Variants in GPM6B observed in about 807,000 individuals in gnomAD.
GPM6B encodes neuronal membrane glycoprotein M6-b.
In GPM6B, 4 loss-of-function variants were observed where a neutral mutation model predicts 27.2. That is an observed-to-expected ratio of 0.15 (90% confidence interval 0.07 to 0.34). The LOEUF (loss-of-function observed/expected upper bound fraction) is 0.34. GPM6B is among the 10% of genes least tolerant of loss of function. The pLI, the probability that GPM6B is intolerant of heterozygous loss-of-function variation, is 1.00. For synonymous variants in GPM6B, 124 were observed against 103.1 expected (o/e 1.20, Z -1.23); for missense variants, 183 against 261.9 (o/e 0.70, Z 2.08).
intron 2 of GPM6B, among the ~76,000 whole-genome samples, chrX:13,788,124 C>A (rs1443026439): frequency 3.6e-5 from 4 of 112,229 alleles, no homozygotes; most frequent in African/African-American, 1.3e-4. Context: ...TCACAGAACA[C>A]ACTGCTTTGG....
chrX:13,776,281 A>C lies in GPM6B; in HGVS notation c.794T>G (p.Phe265Cys), dbSNP rs754039053. Reference protein sequence around the residue: ...TNEFYMSYHLFIVACAGAGAT... With the variant: ...TNEFYMSYHLCIVACAGAGAT... ...ACCAGCTCCTGCACAGGCCACAATGAACAGGTGATAGGACATGTAGAACTA... is the reference window on the plus strand; with the variant it reads ...ACCAGCTCCTGCACAGGCCACAATGCACAGGTGATAGGACATGTAGAACTA... Residue 265 changes from phenylalanine to cysteine, a missense_variant, in exon 7 of 8, where the codon TTC (phenylalanine) becomes TGC (cysteine). Coordinates refer to ENST00000316715, the MANE Select transcript of GPM6B (RefSeq NM_001001995.3). The C allele has an allele frequency of 8.3e-7, 1 of 1,209,073 alleles. No homozygotes were observed. Among genetic ancestry groups the C allele is most frequent in the South Asian group, 1.8e-5 (1 of 56,753 alleles).
intron 1 of GPM6B, among the ~76,000 whole-genome samples, chrX:13,898,388 A>G (rs141087569): frequency 0.014 from 1,625 of 112,271 alleles, 27 homozygotes; most frequent in African/African-American, 0.049. Context: ...ATAGTTTGAG[A>G]GCTAGTTTTA....
intron 1 of GPM6B, among the ~76,000 whole-genome samples, chrX:13,843,465 T>A (rs1479328643): frequency 8.9e-6 from 1 of 112,207 alleles, no homozygotes; most frequent in Non-Finnish European, 1.9e-5. Flanking sequence ...TACCTGAAAG[T>A]AGAATTGTTG....
chrX:13,926,054 C>CAAAAAAAAAAAA (rs772441542), intron 1 of GPM6B, among the ~76,000 whole-genome samples: 1 of 99,183 alleles, frequency 1.0e-5, no homozygotes, highest in African/African-American at 3.8e-5. Flanking sequence ...GACTCCATCT[C>CAAAAAAAAAAAA]AAAAAAAAAA....
chrX:13,924,338 C>T (rs1337086519), intron 1 of GPM6B, among the ~76,000 whole-genome samples: 1 of 111,436 alleles, frequency 9.0e-6, no homozygotes, highest in Non-Finnish European at 1.9e-5. Flanking sequence ...CTCACTCTGT[C>T]GCCCAGGCTG....
At chrX:13,931,316 A>G (rs5978670) in intron 1 of GPM6B, among the ~76,000 whole-genome samples, 23,063 of 109,265 alleles carry the variant, frequency 0.21, 2,002 homozygotes, top group African/African-American at 0.3. Flanking sequence ...GTGAAACCCC[A>G]TCTCTACTAA....
At chrX:13,893,450 C>T (rs1039969347) in intron 1 of GPM6B, among the ~76,000 whole-genome samples, 1 of 111,390 alleles carries the variant, frequency 9.0e-6, no homozygotes, top group Non-Finnish European at 1.9e-5. Context: ...ATATTGGCTT[C>T]CGCCTTCTCT....
intron 1 of GPM6B, among the ~76,000 whole-genome samples, chrX:13,919,258 T>A (rs2050456079): frequency 8.9e-6 from 1 of 112,251 alleles, no homozygotes; most frequent in Admixed American, 9.5e-5. Flanking sequence ...TAAACAGGGT[T>A]CTGATTTCTT....
At chrX:13,911,911 C>T (rs2147057967) in intron 1 of GPM6B, among the ~76,000 whole-genome samples, 1 of 112,261 alleles carries the variant, frequency 8.9e-6, no homozygotes, top group Admixed American at 9.5e-5. Context: ...ATGTAGTTTG[C>T]TACCAAAGTG....
intron 1 of GPM6B, among the ~76,000 whole-genome samples, chrX:13,846,366 A>G (rs2049645680): frequency 9.1e-6 from 1 of 109,965 alleles, no homozygotes; most frequent in Non-Finnish European, 1.9e-5. Flanking sequence ...CACTTCTTAG[A>G]AAAAGGTTGC....
At chrX:13,866,234 A>G (rs1484445061) in intron 1 of GPM6B, among the ~76,000 whole-genome samples, 1 of 112,272 alleles carries the variant, frequency 8.9e-6, no homozygotes, top group Non-Finnish European at 1.9e-5. Context: ...GTGGTGGCAC[A>G]TGCCTGTAAT....
At chrX:13,910,650 C>T (rs2050371550) in intron 1 of GPM6B, among the ~76,000 whole-genome samples, 1 of 112,989 alleles carries the variant, frequency 8.9e-6, no homozygotes, top group East Asian at 2.8e-4. Flanking sequence ...GGAGAGTCTG[C>T]TCTTCTGCTC....
chrX:13,919,263 T>C (rs6633424), intron 1 of GPM6B, among the ~76,000 whole-genome samples: 15,525 of 111,837 alleles, frequency 0.14, 818 homozygotes, highest in Admixed American at 0.19. Context: ...AGGGTTCTGA[T>C]TTCTTGCTGT....
intron 1 of GPM6B, among the ~76,000 whole-genome samples, chrX:13,905,230 C>CAAAAAAAA (rs199791285): frequency 1.2e-4 from 8 of 64,705 alleles, no homozygotes; most frequent in East Asian, 4.3e-4. Flanking sequence ...GGCCCTGTCT[C>CAAAAAAAA]AAAAAAAAAA....
At chrX:13,909,680 G>A (rs935687947) in intron 1 of GPM6B, among the ~76,000 whole-genome samples, 10 of 111,118 alleles carry the variant, frequency 9.0e-5, no homozygotes, top group South Asian at 3.9e-4. Flanking sequence ...GAAATTAAGT[G>A]GGTGCCTTTT....
At chrX:13,779,262 T>C (rs185154665) in intron 5 of GPM6B, among the ~76,000 whole-genome samples, 1 of 106,294 alleles carries the variant, frequency 9.4e-6, no homozygotes, top group African/African-American at 3.5e-5. Flanking sequence ...CATTAGAAAA[T>C]GTTTGAACTG....
intron 1 of GPM6B, among the ~76,000 whole-genome samples, chrX:13,931,627 A>C (rs779329202): frequency 8.9e-6 from 1 of 112,533 alleles, no homozygotes; most frequent in Non-Finnish European, 1.9e-5. Context: ...ATATCTTTCC[A>C]TCCCAGAAAG....
Position 13,815,383 on chromosome X carries a change from A to G in GPM6B, c.61+1461T>C, listed in dbSNP as rs763475005. On this transcript the variant is annotated intron_variant, in intron 1 of 7. Transcript: ENST00000316715. ...TTAGTCTCTAGTCATCATGGAAAAA[A>G]CTTTGATCTCACTTCTTCATCTTGA... 6.3e-5 allele frequency among the ~76,000 whole-genome samples: 7 copies of G among 111,408 alleles called. No homozygotes were observed. The East Asian group carries it at 8.4e-4, about 13-fold the overall frequency.
intron 1 of GPM6B, among the ~76,000 whole-genome samples, chrX:13,926,309 G>A (rs1472988052): frequency 1.9e-5 from 2 of 107,624 alleles, no homozygotes; most frequent in Non-Finnish European, 3.8e-5. Context: ...TCGGGAGGCT[G>A]AAGCAGGACA....
Sources: allele counts gnomAD v4.1 joint callset (sites outside exome capture counted in the v4.1 genomes callset), GRCh38; gene constraint gnomAD v4.1.1; transcripts MANE v1.5; gene names NCBI Gene and HGNC (gene_info 2026-07-23, HGNC 2026-07-21).